The following PAQR4 variants were observed in gnomAD, a reference collection of about 807,000 sequenced individuals.
PAQR4 encodes the protein progestin and adipoQ receptor family member IV.
PAQR4 carries 26 observed loss-of-function variants against 20.9 expected under a neutral mutation model. That is an observed-to-expected ratio of 1.24 (90% CI 0.91 to 1.73). PAQR4 has a LOEUF of 1.73. Among genes scored for constraint, PAQR4 ranks in the 40% most tolerant of loss-of-function variants. PAQR4 has a pLI of 0.00. For missense variants in PAQR4, 400 were observed against 380.1 expected (o/e 1.05, Z -0.44); for synonymous variants, 193 against 171.6 (o/e 1.12, Z -0.97).
Position 2,971,517 on chromosome 16 carries a change from G to A in PAQR4, c.391G>A (p.Ala131Thr). 4 of 1,583,638 alleles carry A rather than the reference G, an allele frequency of 2.5e-6. No individual in the cohort carries two copies. Among genetic ancestry groups the A allele is most frequent in the Non-Finnish European group, 3.4e-6 (4 of 1,169,388 alleles). The change falls in exon 3 of 3, where the codon GCC (alanine) becomes ACC (threonine). Residue 131 changes from alanine to threonine, a missense_variant and splice_region_variant. Coordinates refer to ENST00000318782, the MANE Select transcript of PAQR4 (RefSeq NM_152341.5). ...TCCTGTTCTCTCCTCTTGTGCAGGG[G>A]CCCTGCCCATCATCCACTGCACCCT... ...CGVCLVNTLGALPIIHCTLAC... is the reference protein window; with the variant it reads ...CGVCLVNTLGTLPIIHCTLAC...
rs1042137273 is a variant in PAQR4 at position 2,972,342 on chromosome 16, T to G, written c.*394T>G. 4 of 522,368 alleles carry G rather than the reference T, an allele frequency of 7.7e-6. No homozygotes were observed. The East Asian group carries it at 9.7e-5, about 13-fold the overall frequency. The allele number at this position is 522,368 out of a possible 1,614,324, so 32.4% of individuals were successfully genotyped here. On this transcript the variant is annotated 3_prime_UTR_variant, in exon 3 of 3. Transcript: ENST00000318782. ...TATCCTGTTCCTCCCACCAGGCCTGTGGCCAGTCTTCCTGATCTCCATCTT... is the reference window on the plus strand; with the variant it reads ...TATCCTGTTCCTCCCACCAGGCCTGGGGCCAGTCTTCCTGATCTCCATCTT...
chr16:2,971,550 A>G lies in PAQR4; in HGVS notation c.424A>G (p.Arg142Gly). 6.3e-7 allele frequency: 1 copy of G among 1,594,138 alleles called. No homozygotes were observed. The highest frequency in any genetic ancestry group is 1.1e-5 in the South Asian group (1 of 90,744). ...LPIIHCTLAC[R>G]PWLRPAALVG... ...CATCATCCACTGCACCCTGGCCTGC[A>G]GGCCCTGGCTGCGCCCGGCTGCCCT... The change falls in exon 3 of 3, where the codon AGG becomes GGG. Residue 142 changes from arginine (R) to glycine (G), a missense_variant. Physicochemically the swap from Arg to Gly is moderately radical, Grantham distance 125 (BLOSUM62 -2). Coordinates refer to ENST00000318782, the MANE Select transcript of PAQR4 (RefSeq NM_152341.5).
chr16:2,973,156 C>A lies in PAQR4; in HGVS notation c.*1208C>A. The A allele has an allele frequency of 6.5e-7, 1 of 1,541,802 alleles. No individual in the cohort carries two copies. Among genetic ancestry groups the A allele is most frequent in the South Asian group, 1.2e-5 (1 of 82,368 alleles). On this transcript the variant is annotated 3_prime_UTR_variant, in exon 3 of 3. Transcript: ENST00000318782. ...TGCTTACCTGGGTGTGCACCTGCTCCGGGGGGTGGAGGTGCTCCCCACAGT... is the reference window on the plus strand; with the variant it reads ...TGCTTACCTGGGTGTGCACCTGCTCAGGGGGGTGGAGGTGCTCCCCACAGT...
Position 2,971,371 on chromosome 16 carries a change from C to T in PAQR4, c.381C>T (p.Asn127=). The change falls in exon 2 of 3, where the codon AAC becomes AAT. Residue 127 remains asparagine (N), a synonymous_variant. Transcript: ENST00000318782. ...ALDMCGVCLV[N]TLGALPIIHC... is the part of the protein sequence containing the mutation. ...ACATGTGTGGGGTCTGCCTTGTCAA[C>T]ACCCTTGGTGAGTCAGGGCCCAAGG... 1.9e-6 allele frequency: 3 copies of T among 1,608,654 alleles called. No individual in the cohort carries two copies. Among genetic ancestry groups the T allele is most frequent in the South Asian group, 1.1e-5 (1 of 91,088 alleles).
chr16:2,971,330 C>A lies in PAQR4; in HGVS notation c.340C>A (p.Arg114=), dbSNP rs369368361. ...CCAAGGGGGCAGCGCTGTGTACGCC[C>A]GGCTCCTCGCCCTGGACATGTGTGG... is the stretch of plus-strand genomic sequence containing the variant. ...CHQGGSAVYA[R]LLALDMCGVC... The change falls in exon 2 of 3, where the codon CGG becomes AGG. Residue 114 remains arginine, a synonymous_variant. Coordinates refer to ENST00000318782, the MANE Select transcript of PAQR4 (RefSeq NM_152341.5). The A allele has an allele frequency of 1.9e-6, 3 of 1,611,912 alleles. No individual in the cohort carries two copies. The Admixed American group carries it at 5.0e-5, about 27-fold the overall frequency.
chr16:2,971,503 C>A lies in PAQR4; in HGVS notation c.389-12C>A, dbSNP rs763527091. On this transcript the variant is annotated splice_polypyrimidine_tract_variant and intron_variant, in intron 2 of 2. Transcript: ENST00000318782. ...AATGACATGCCCTCTCCTGTTCTCT[C>A]CTCTTGTGCAGGGGCCCTGCCCATC... 6.3e-7 allele frequency: 1 copy of A among 1,579,930 alleles called. No individual in the cohort carries two copies. The highest frequency in any genetic ancestry group is 8.6e-7 in the Non-Finnish European group (1 of 1,167,260).
chr16:2,973,204 G>A lies in PAQR4; in HGVS notation c.*1256G>A, dbSNP rs1357781021. On this transcript the variant is annotated 3_prime_UTR_variant, in exon 3 of 3. Coordinates refer to ENST00000318782, the MANE Select transcript of PAQR4 (RefSeq NM_152341.5). ...AGTCCGGGCCAGGACAGCCTCAGGG[G>A]AGAGTGAAGGCCTGCAGGAGGGCAG... The A allele has an allele frequency of 2.7e-6, 4 of 1,508,650 alleles. No individual in the cohort carries two copies. The South Asian group carries it at 5.3e-5, about 20-fold the overall frequency. The allele number at this position is 1,508,650 out of a possible 1,614,324, so 93.5% of individuals were successfully genotyped here.
At position 2,969,783 on chromosome 16, in the gene PAQR4, G is replaced by T. The variant is rs777226428; in HGVS notation, c.109G>T (p.Gly37Cys). ...TGYRPASSGS[G>C]CLRSLFYLHN... ...GTACCGGCCCGCCAGCAGCGGCTCGGGCTGCCTGCGCAGCCTCTTCTACCT... is the reference window on the plus strand; with the variant it reads ...GTACCGGCCCGCCAGCAGCGGCTCGTGCTGCCTGCGCAGCCTCTTCTACCT... Residue 37 changes from glycine to cysteine, a missense_variant, in exon 1 of 3, where the codon GGC (glycine) becomes TGC (cysteine). By Grantham distance (159) the Gly-to-Cys change is radical. Transcript: ENST00000318782. The T allele has an allele frequency of 6.2e-7, 1 of 1,602,436 alleles. No individual in the cohort carries two copies. Among genetic ancestry groups the T allele is most frequent in the Non-Finnish European group, 8.5e-7 (1 of 1,175,802 alleles).
In PAQR4 at chr16:2,972,612, T is replaced by G; in HGVS notation, c.*664T>G. On this transcript the variant is annotated 3_prime_UTR_variant, in exon 3 of 3. Transcript: ENST00000318782. Reference sequence around the variant, plus strand: ...CTGCCCTCCACCTTGAGTGCCATACTCCCAACAGCTCCAGGTACCCACCGG... The same window carrying G: ...CTGCCCTCCACCTTGAGTGCCATACGCCCAACAGCTCCAGGTACCCACCGG... 1.3e-6 allele frequency: 2 copies of G among 1,534,470 alleles called. No individual in the cohort carries two copies. Among genetic ancestry groups the G allele is most frequent in the Non-Finnish European group, 1.7e-6 (2 of 1,146,242 alleles).
chr16:2,972,512 G>A lies in PAQR4; in HGVS notation c.*564G>A, dbSNP rs4149811. On this transcript the variant is annotated 3_prime_UTR_variant, in exon 3 of 3. Transcript: ENST00000318782. ...TGTACCAGCTGGCCACAGGCACAAG[G>A]GCTGCAGCTGCTTCTTCCAGGAAAC... The A allele has an allele frequency of 1.2e-3, 1,382 of 1,141,144 alleles. 17 individuals are homozygous for A. In the African/African-American group the frequency reaches 0.019, roughly 16 times the overall value. The allele number at this position is 1,141,144 out of a possible 1,614,324, so 70.7% of individuals were successfully genotyped here. A position where few individuals can be genotyped will look rare whatever the true frequency, so the allele number is the denominator to read the frequency against.
In PAQR4 at chr16:2,973,078, G is replaced by A. The variant is rs747243865; in HGVS notation, c.*1130G>A. ...TCCAGGGCATCCCTGGGAGGAGAGA[G>A]TAGTGACACTCAGGATCCAAAAGCT... On this transcript the variant is annotated 3_prime_UTR_variant, in exon 3 of 3. Transcript: ENST00000318782. The A allele has an allele frequency of 5.7e-6, 9 of 1,586,562 alleles. No individual in the cohort carries two copies. In the Admixed American group the frequency reaches 9.1e-5, roughly 16 times the overall value.
chr16:2,972,909 G>T lies in PAQR4; in HGVS notation c.*961G>T. 6.4e-7 allele frequency: 1 copy of T among 1,564,662 alleles called. No individual in the cohort carries two copies. Among genetic ancestry groups the T allele is most frequent in the South Asian group, 1.2e-5 (1 of 85,770 alleles). On this transcript the variant is annotated 3_prime_UTR_variant, in exon 3 of 3. Transcript: ENST00000318782. The stretch of plus-strand genomic sequence containing the variant: ...CCCAGCTTTCAAGGGCGACGGGAGA[G>T]ACACAGGATAAAAGGTTAAAAGTGC...
At chr16:2,970,055 A>G (rs898107178) in intron 1 of PAQR4, 1 of 627,230 alleles carries the variant, frequency 1.6e-6, no homozygotes, top group East Asian at 3.0e-5. Flanking sequence ...AGGAGAGGGG[A>G]GCAGAGTAGG....
At chr16:2,970,290 C>T (rs1433866333) in intron 1 of PAQR4, 1 of 165,930 alleles carries the variant, frequency 6.0e-6, no homozygotes, top group African/African-American at 2.4e-5. Context: ...TCCTTCTTCC[C>T]CCAACAGGCG....
chr16:2,970,401 C>G (rs1440683536), intron 1 of PAQR4, among the ~76,000 whole-genome samples: 1 of 152,264 alleles, frequency 6.6e-6, no homozygotes, highest in African/African-American at 2.4e-5. Context: ...CCTGGCCCAG[C>G]CTGGGTGCCT....
At position 2,969,389 on chromosome 16, in the gene PAQR4, G is replaced by T; in HGVS notation, c.-286G>T. 1 of 175,406 alleles carries T rather than the reference G, an allele frequency of 5.7e-6. No homozygotes were observed. The highest frequency in any genetic ancestry group is 1.2e-5 in the Non-Finnish European group (1 of 83,418). 10.9% of individuals were successfully genotyped at this position (175,406 alleles called of 1,614,324 possible). A position where few individuals can be genotyped will look rare whatever the true frequency, so the allele number is the denominator to read the frequency against. On this transcript the variant is annotated 5_prime_UTR_variant, in exon 1 of 3. Coordinates refer to ENST00000318782, the MANE Select transcript of PAQR4 (RefSeq NM_152341.5). ...ACCGCCGCCGCCGCCGCCGCGAGCT[G>T]TCCCTGCGGCGCGTCTGCCTTGGCG... is the stretch of plus-strand genomic sequence containing the variant.
rs368329924 is a variant in PAQR4, at chr16:2,971,900, C to T, written c.774C>T (p.Val258=). 57 of 1,606,492 alleles carry T rather than the reference C, an allele frequency of 3.5e-5. No homozygotes were observed. Among genetic ancestry groups the T allele is most frequent in the Non-Finnish European group, 4.3e-5 (51 of 1,179,452 alleles). Residue 258 remains valine, a synonymous_variant, in exon 3 of 3, where the codon GTC becomes GTT. Coordinates refer to ENST00000318782, the MANE Select transcript of PAQR4 (RefSeq NM_152341.5). Reference sequence around the variant, plus strand: ...CCATCCTGCAGCTGCACGCCGGCGTCGTGCCCGACCTGCTCTGGGCTGCCC... The same window carrying T: ...CCATCCTGCAGCTGCACGCCGGCGTTGTGCCCGACCTGCTCTGGGCTGCCC... ...VGSILQLHAG[V]VPDLLWAAHH...
In PAQR4 at chr16:2,971,375, C is replaced by T; in HGVS notation, c.385C>T (p.Leu129Phe). 6.2e-7 allele frequency: 1 copy of T among 1,607,650 alleles called. No individual in the cohort carries two copies. Among genetic ancestry groups the T allele is most frequent in the Middle Eastern group, 1.7e-4 (1 of 6,056 alleles). ...DMCGVCLVNTLGALPIIHCTL... is the reference protein window; with the variant it reads ...DMCGVCLVNTFGALPIIHCTL... ...GTGTGGGGTCTGCCTTGTCAACACC[C>T]TTGGTGAGTCAGGGCCCAAGGGATG... The change falls in exon 2 of 3, where the codon CTT becomes TTT. Residue 129 changes from leucine (L) to phenylalanine (F), a missense_variant. By Grantham distance (22) the Leu-to-Phe change is conservative (BLOSUM62 0). Coordinates refer to ENST00000318782, the MANE Select transcript of PAQR4 (RefSeq NM_152341.5).
chr16:2,972,875 C>T lies in PAQR4; in HGVS notation c.*927C>T. 2 of 1,538,252 alleles carry T rather than the reference C, an allele frequency of 1.3e-6. No homozygotes were observed. Among genetic ancestry groups the T allele is most frequent in the Non-Finnish European group, 1.8e-6 (2 of 1,136,016 alleles). On this transcript the variant is annotated 3_prime_UTR_variant, in exon 3 of 3. Coordinates refer to ENST00000318782, the MANE Select transcript of PAQR4 (RefSeq NM_152341.5). ...CAGGCAGAGAAGACCATGGGAGTTC[C>T]CGAGGGGCCCCAGCTTTCAAGGGCG...
Sources: gnomAD v4.1 joint callset for allele counts (sites outside exome capture counted in the v4.1 genomes callset) on GRCh38, gnomAD v4.1.1 for gene constraint, MANE v1.5 for transcripts, NCBI Gene and HGNC (gene_info 2026-07-23, HGNC 2026-07-21) for gene names.